SLC41A2: variants seen among roughly 807,000 people sequenced by gnomAD.
SLC41A2 encodes the protein SLC41A1-like 1.
A neutral mutation model predicts 58.3 loss-of-function variants in SLC41A2; 32 were observed. The ratio of observed to expected loss-of-function variants is 0.55; its 90% CI spans 0.41 to 0.74. The LOEUF (loss-of-function observed/expected upper bound fraction) is 0.74. SLC41A2 is among the 30% of genes least tolerant of loss of function. The pLI, the probability that SLC41A2 is intolerant of heterozygous loss-of-function variation, is 0.00. For synonymous variants in SLC41A2, 190 were observed against 235.0 expected (o/e 0.81, Z 1.75); for missense variants, 514 against 680.6 (o/e 0.76, Z 2.72).
At chr12:104,862,593 C>T (rs955283590) in intron 7 of SLC41A2, among the ~76,000 whole-genome samples, 2 of 152,078 alleles carry the variant, frequency 1.3e-5, no homozygotes, top group African/African-American at 4.8e-5. Flanking sequence ...CTAGTTACAC[C>T]ATTGAGTTAC....
intron 7 of SLC41A2, 89 bp downstream of exon 7, chr12:104,866,343 A>C: frequency 7.2e-7 from 1 of 1,388,830 alleles, no homozygotes; most frequent in South Asian, 2.1e-5. Context: ...ATGCATGTAC[A>C]TATATGCTTA....
At chr12:104,938,334 G>T (rs2047363555) in intron 1 of SLC41A2, among the ~76,000 whole-genome samples, 1 of 152,150 alleles carries the variant, frequency 6.6e-6, no homozygotes, top group South Asian at 2.1e-4. Context: ...ATACAAGACT[G>T]CTTCGATGTG....
At chr12:104,807,625 G>A (rs1005347606) in intron 10 of SLC41A2, among the ~76,000 whole-genome samples, 12 of 152,130 alleles carry the variant, frequency 7.9e-5, no homozygotes, top group African/African-American at 2.7e-4. Flanking sequence ...GCTTGATGGG[G>A]ATGGCACTGA....
intron 10 of SLC41A2, among the ~76,000 whole-genome samples, chr12:104,840,459 T>C (rs986396792): frequency 6.6e-6 from 1 of 152,246 alleles, no homozygotes; most frequent in South Asian, 2.1e-4. Context: ...TGCTGACTGA[T>C]GGTATAAAAG....
intron 10 of SLC41A2, among the ~76,000 whole-genome samples, chr12:104,821,966 C>T (rs1198848509): frequency 6.6e-6 from 1 of 152,084 alleles, no homozygotes; most frequent in African/African-American, 2.4e-5. Flanking sequence ...TTAACTATTG[C>T]CTAGTTACAC....
chr12:104,832,461 T>C (rs2042070635), intron 10 of SLC41A2, among the ~76,000 whole-genome samples: 1 of 152,134 alleles, frequency 6.6e-6, no homozygotes, highest in African/African-American at 2.4e-5. Flanking sequence ...CCTAAAAATA[T>C]CAACCCCATC....
At chr12:104,825,914 G>A (rs1035535459) in intron 10 of SLC41A2, among the ~76,000 whole-genome samples, 2 of 152,158 alleles carry the variant, frequency 1.3e-5, no homozygotes, top group African/African-American at 2.4e-5. Context: ...AGGTGACAGC[G>A]TTTAATTCCT....
At chr12:104,827,043 G>T (rs1381854408) in intron 10 of SLC41A2, among the ~76,000 whole-genome samples, 1 of 152,210 alleles carries the variant, frequency 6.6e-6, no homozygotes, top group African/African-American at 2.4e-5. Flanking sequence ...GGCATATGTA[G>T]AACTAAGACC....
At chr12:104,813,482 C>G (rs2041261951) in intron 10 of SLC41A2, among the ~76,000 whole-genome samples, 1 of 151,926 alleles carries the variant, frequency 6.6e-6, no homozygotes, top group Non-Finnish European at 1.5e-5. Flanking sequence ...GTTAATAAAG[C>G]AAAATTAGCA....
At chr12:104,824,041 C>T (rs1008562016) in intron 10 of SLC41A2, among the ~76,000 whole-genome samples, 1 of 152,044 alleles carries the variant, frequency 6.6e-6, no homozygotes, top group African/African-American at 2.4e-5. Context: ...GGGGCATGGT[C>T]CCTTTAAATG....
chr12:104,895,193 A>G, intron 4 of SLC41A2, 81 bp downstream of exon 4: 1 of 951,578 alleles, frequency 1.1e-6, no homozygotes, highest in Non-Finnish European at 1.7e-6. Flanking sequence ...GACTCATAGT[A>G]CTAAAATTTA....
intron 1 of SLC41A2, among the ~76,000 whole-genome samples, chr12:104,938,264 A>T (rs1373785907): frequency 2.0e-5 from 3 of 152,198 alleles, no homozygotes; most frequent in Non-Finnish European, 4.4e-5. Flanking sequence ...GGTATTGGTT[A>T]TATTTTTTAA....
chr12:104,823,566 G>A (rs550738958), intron 10 of SLC41A2, among the ~76,000 whole-genome samples: 104 of 152,074 alleles, frequency 6.8e-4, no homozygotes, highest in Middle Eastern at 3.4e-3. Flanking sequence ...TGTAACAACC[G>A]GATGTTCATA....
intron 3 of SLC41A2, among the ~76,000 whole-genome samples, chr12:104,897,477 T>TC (rs113175164): frequency 1.3e-5 from 2 of 152,106 alleles, no homozygotes; most frequent in Non-Finnish European, 2.9e-5. Context: ...CTTTTTTTTT[T>TC]CATGATCTCT....
intron 7 of SLC41A2, among the ~76,000 whole-genome samples, chr12:104,863,137 C>A (rs1456520298): frequency 6.6e-6 from 1 of 152,030 alleles, no homozygotes; most frequent in Non-Finnish European, 1.5e-5. Context: ...AGATGTGTGT[C>A]ATTAAAAAAG....
intron 1 of SLC41A2, among the ~76,000 whole-genome samples, chr12:104,944,619 T>A (rs1021190359): frequency 6.6e-6 from 1 of 152,132 alleles, no homozygotes; most frequent in African/African-American, 2.4e-5. Context: ...CAAATACCAG[T>A]TTGTGAGTTT....
intron 2 of SLC41A2, among the ~76,000 whole-genome samples, chr12:104,910,587 T>A (rs991931862): frequency 6.6e-6 from 1 of 152,132 alleles, no homozygotes; most frequent in Non-Finnish European, 1.5e-5. Context: ...AAATCTAGCT[T>A]AGGCCATAAT....
intron 1 of SLC41A2, among the ~76,000 whole-genome samples, chr12:104,929,409 C>G (rs972830902): frequency 3.3e-5 from 5 of 152,194 alleles, no homozygotes; most frequent in Admixed American, 3.3e-4. Context: ...TGCAAACCAG[C>G]CAGAAGAAAG....
intron 1 of SLC41A2, among the ~76,000 whole-genome samples, chr12:104,944,058 A>G (rs559514110): frequency 5.3e-5 from 8 of 152,290 alleles, no homozygotes; most frequent in African/African-American, 1.9e-4. Flanking sequence ...AAAAGGGAAA[A>G]AAGGAAAAGG....
Sources: allele counts gnomAD v4.1 joint callset (sites outside exome capture counted in the v4.1 genomes callset), GRCh38; gene constraint gnomAD v4.1.1; transcripts MANE v1.5; gene names NCBI Gene and HGNC (gene_info 2026-07-23, HGNC 2026-07-21).